Variants in BMP5 observed in about 807,000 individuals in gnomAD.
BMP5 encodes the protein bone morphogenetic protein 5.
In BMP5, 23 loss-of-function variants were observed where a neutral mutation model predicts 46.6. The ratio of observed to expected loss-of-function variants is 0.49; its 90% CI spans 0.35 to 0.70. BMP5 has a LOEUF of 0.70. Among genes scored for constraint, BMP5 ranks in the 30% least tolerant of loss-of-function variants. The probability of loss-of-function intolerance (pLI) is 0.00; values close to 1 mark genes in which losing one functional copy is unlikely to be tolerated. For synonymous variants in BMP5, 204 were observed against 191.9 expected, an observed-to-expected ratio of 1.06 and a Z score of -0.52; for missense variants, 545 against 565.6, an observed-to-expected ratio of 0.96 and a Z score of 0.37.
At chr6:55,804,344 C>T (rs1015312695) in intron 2 of BMP5, among the ~76,000 whole-genome samples, 7 of 152,076 alleles carry the variant, frequency 4.6e-5, no homozygotes, top group African/African-American at 9.7e-5. Flanking sequence ...CTTCACACAG[C>T]CAAGGAACTT....
At chr6:55,868,694 T>C (rs1476685271) in intron 1 of BMP5, among the ~76,000 whole-genome samples, 2 of 152,214 alleles carry the variant, frequency 1.3e-5, no homozygotes. Context: ...TTACTACTAC[T>C]TGGTTATGCA....
At chr6:55,822,682 G>C (rs1015170722) in intron 1 of BMP5, among the ~76,000 whole-genome samples, 4 of 152,124 alleles carry the variant, frequency 2.6e-5, no homozygotes, top group African/African-American at 9.7e-5. Flanking sequence ...GCTTAATGCA[G>C]ATGAGTATTG....
chr6:55,799,410 G>A (rs1775791499), intron 2 of BMP5, among the ~76,000 whole-genome samples: 1 of 152,176 alleles, frequency 6.6e-6, no homozygotes, highest in Non-Finnish European at 1.5e-5. Flanking sequence ...GGAGCAGAAA[G>A]AGGAGAAAAG....
chr6:55,768,171 C>T (rs1186838960), intron 4 of BMP5, among the ~76,000 whole-genome samples: 1 of 151,870 alleles, frequency 6.6e-6, no homozygotes, highest in East Asian at 1.9e-4. Context: ...TGACTAATAT[C>T]TGTTTTTCCA....
intron 6 of BMP5, 107 bp from the exon 7 acceptor site, chr6:55,755,789 A>G: frequency 9.2e-7 from 1 of 1,088,524 alleles, no homozygotes; most frequent in Non-Finnish European, 1.4e-6. Flanking sequence ...CACACCATTA[A>G]GCTGATCTCC....
At chr6:55,786,239 T>C (rs1023801469) in intron 3 of BMP5, among the ~76,000 whole-genome samples, 5 of 151,652 alleles carry the variant, frequency 3.3e-5, no homozygotes, top group African/African-American at 1.2e-4. Context: ...CATATAGTGT[T>C]TTTTTATACA....
At position 55,794,401 on chromosome 6, in the gene BMP5, G is replaced by T; in HGVS notation, c.710C>A (p.Thr237Lys). The T allele has an allele frequency of 6.2e-7, 1 of 1,613,914 alleles. No individual in the cohort carries two copies. Among genetic ancestry groups the T allele is most frequent in the South Asian group, 1.1e-5 (1 of 91,076 alleles). ...CACATCTAAAGCTTGGGCCTTTCTT[G>T]TGTCTAACAAGAACAGATCTGCATC... ...NRDADLFLLD[T>K]RKAQALDVGW... Residue 237 changes from threonine to lysine, a missense_variant, in exon 3 of 7, where the codon ACA becomes AAA. By Grantham distance (78) the Thr-to-Lys change is moderately conservative. Transcript: ENST00000370830.
At chr6:55,860,557 G>C (rs1777506922) in intron 1 of BMP5, among the ~76,000 whole-genome samples, 1 of 152,028 alleles carries the variant, frequency 6.6e-6, no homozygotes, top group Non-Finnish European at 1.5e-5. Flanking sequence ...TTGGGCTATT[G>C]GTAGATTGGG....
At chr6:55,860,579 A>G (rs1777507464) in intron 1 of BMP5, among the ~76,000 whole-genome samples, 1 of 152,314 alleles carries the variant, frequency 6.6e-6, no homozygotes, top group East Asian at 1.9e-4. Context: ...ACGAGTGGCT[A>G]AAGGTAAAGA....
At chr6:55,821,464 G>A (rs1014587853) in intron 1 of BMP5, among the ~76,000 whole-genome samples, 2 of 152,042 alleles carry the variant, frequency 1.3e-5, no homozygotes, top group Non-Finnish European at 2.9e-5. Flanking sequence ...GACTACTATA[G>A]GTGTTCCCCA....
intron 3 of BMP5, 93 bp downstream of exon 3, chr6:55,794,186 A>G (rs1252923375): frequency 1.5e-6 from 2 of 1,378,124 alleles, no homozygotes; most frequent in South Asian, 1.2e-5. Context: ...CATCATAAAT[A>G]TAAAACATAT....
chr6:55,838,593 T>A (rs1746239626), intron 1 of BMP5, among the ~76,000 whole-genome samples: 1 of 152,186 alleles, frequency 6.6e-6, no homozygotes, highest in Admixed American at 6.6e-5. Context: ...CTCCATGTGA[T>A]GTCTCTTCAC....
At chr6:55,815,477 A>C (rs1212548691) in intron 2 of BMP5, among the ~76,000 whole-genome samples, 1 of 152,230 alleles carries the variant, frequency 6.6e-6, no homozygotes, top group Non-Finnish European at 1.5e-5. Context: ...ATATACATGC[A>C]CTTTAGATTT....
At chr6:55,833,006 C>T (rs1417196668) in intron 1 of BMP5, among the ~76,000 whole-genome samples, 3 of 152,156 alleles carry the variant, frequency 2.0e-5, no homozygotes, top group Non-Finnish European at 2.9e-5. Context: ...CTTCTAGATA[C>T]TCCAGAGACT....
In BMP5 at chr6:55,869,826, A is replaced by G. The variant is rs114986416; in HGVS notation, c.490+4550T>C. Reference sequence around the variant, plus strand: ...CCAGTGGGTGGAGGCTGCAGTTGGCACATCATAACCTTTTCCTTCTCAACT... The same window carrying G: ...CCAGTGGGTGGAGGCTGCAGTTGGCGCATCATAACCTTTTCCTTCTCAACT... On this transcript the variant is annotated intron_variant, in intron 1 of 6. Coordinates refer to ENST00000370830, the MANE Select transcript of BMP5 (RefSeq NM_021073.4). 4.0e-3 allele frequency among the ~76,000 whole-genome samples: 609 copies of G among 152,284 alleles called. 2 individuals carry two copies. Among genetic ancestry groups the G allele is most frequent in the African/African-American group, 0.014 (576 of 41,578 alleles).
chr6:55,819,832 T>A lies in BMP5; in HGVS notation c.506A>T (p.Asp169Val). The A allele has an allele frequency of 6.2e-7, 1 of 1,613,566 alleles. No individual in the cohort carries two copies. Residue 169 changes from aspartate (D) to valine (V), a missense_variant, in exon 2 of 7, where the codon GAT (aspartate) becomes GTT (valine). By Grantham distance (152) the Asp-to-Val change is radical (BLOSUM62 -3). Coordinates refer to ENST00000370830, the MANE Select transcript of BMP5 (RefSeq NM_021073.4). The part of the protein sequence containing the change: ...SFVNLVERDK[D>V]FSHQRRHYKE... ...GTAATGCCTTCGCTGGTGAGAAAAA[T>A]CCTTGTCTCTTTCAACTGAAAAAAT...
At chr6:55,788,787 C>A (rs1582065721) in intron 3 of BMP5, among the ~76,000 whole-genome samples, 1 of 151,770 alleles carries the variant, frequency 6.6e-6, no homozygotes, top group Admixed American at 6.6e-5. Flanking sequence ...CTAATGATTT[C>A]TTTTTAAAAT....
At chr6:55,797,895 C>A (rs575219654) in intron 2 of BMP5, among the ~76,000 whole-genome samples, 5 of 152,182 alleles carry the variant, frequency 3.3e-5, no homozygotes, top group Admixed American at 2.0e-4. Flanking sequence ...GGATTACAGG[C>A]GTGAGCCACT....
intron 1 of BMP5, among the ~76,000 whole-genome samples, chr6:55,848,702 A>C (rs994187377): frequency 6.6e-6 from 1 of 151,950 alleles, no homozygotes; most frequent in African/African-American, 2.4e-5. Context: ...TTTCAACTTC[A>C]GTCTCTATGT....
Sources: gnomAD v4.1 joint callset for allele counts (sites outside exome capture counted in the v4.1 genomes callset) on GRCh38, gnomAD v4.1.1 for gene constraint, MANE v1.5 for transcripts, NCBI Gene and HGNC (gene_info 2026-07-23, HGNC 2026-07-21) for gene names.